STK3: variants seen among roughly 807,000 people sequenced by gnomAD.
STK3 encodes serine/threonine kinase 3.
STK3 carries 41 observed loss-of-function variants against 58.0 expected under a neutral mutation model. The observed-to-expected ratio is 0.71, with a 90% confidence interval of 0.55 to 0.92. The LOEUF is 0.92. Ranked by LOEUF, STK3 falls within the 40% of genes least tolerant of loss-of-function variation. The pLI is 0.00. For missense variants in STK3, 479 were observed against 602.7 expected (o/e 0.79, Z 2.15); for synonymous variants, 170 against 191.0 (o/e 0.89, Z 0.91).
At chr8:98,850,826 G>A (rs1836439245) in intron 3 of STK3, among the ~76,000 whole-genome samples, 2 of 152,184 alleles carry the variant, frequency 1.3e-5, no homozygotes, top group Admixed American at 1.3e-4. Flanking sequence ...GGTTTAAACA[G>A]GAGAGTGTCA....
At chr8:98,714,076 A>G (rs1271133532) in intron 4 of STK3, among the ~76,000 whole-genome samples, 1 of 152,104 alleles carries the variant, frequency 6.6e-6, no homozygotes, top group Non-Finnish European at 1.5e-5. Context: ...GACAAAATTC[A>G]ACAACCTACA....
chr8:98,554,945 G>A (rs1811481929), intron 8 of STK3, among the ~76,000 whole-genome samples: 1 of 152,004 alleles, frequency 6.6e-6, no homozygotes, highest in African/African-American at 2.4e-5. Flanking sequence ...AAGAAAAGCA[G>A]AAGAAAAACA....
intron 1 of STK3, among the ~76,000 whole-genome samples, chr8:98,895,717 TTGA>T (rs577628348): frequency 1.1e-4 from 16 of 152,166 alleles, no homozygotes; most frequent in Non-Finnish European, 1.9e-4. Context: ...ACCTGGGTCC[TTGA>T]TGATCACTTA....
chr8:98,917,530 A>T (rs1839388806), intron 1 of STK3, among the ~76,000 whole-genome samples: 1 of 152,200 alleles, frequency 6.6e-6, no homozygotes, highest in South Asian at 2.1e-4. Context: ...GAACGGGATT[A>T]GTACACTTTT....
intron 4 of STK3, among the ~76,000 whole-genome samples, chr8:98,711,205 G>C (rs1212706265): frequency 6.6e-6 from 1 of 152,084 alleles, no homozygotes; most frequent in Non-Finnish European, 1.5e-5. Flanking sequence ...CAGAAAAACT[G>C]GAAACTCTAA....
At chr8:98,432,331 G>A (rs1313770106) in intron 3 of STK3, 1 of 167,086 alleles carries the variant, frequency 6.0e-6, no homozygotes, top group East Asian at 1.9e-4. Flanking sequence ...AGCATTTGAA[G>A]GTTATTGTTT....
At chr8:98,349,028 A>G in the STK3 span, among the ~76,000 whole-genome samples, 9 of 152,364 alleles carry the variant, frequency 5.9e-5, no homozygotes, top group East Asian at 1.7e-3. Flanking sequence ...AGGTGAATGG[A>G]TAAATAAATG....
At chr8:98,660,179 C>T (rs1042363934) in intron 6 of STK3, among the ~76,000 whole-genome samples, 2 of 151,992 alleles carry the variant, frequency 1.3e-5, no homozygotes. Flanking sequence ...AAGAAAAATA[C>T]TCTATGATTA....
intron 1 of STK3, among the ~76,000 whole-genome samples, chr8:98,890,108 T>C (rs1838140093): frequency 6.6e-6 from 1 of 152,146 alleles, no homozygotes; most frequent in Non-Finnish European, 1.5e-5. Flanking sequence ...GGGAATCAAT[T>C]TGTGCAGTCT....
chr8:98,664,446 T>C (rs1182331382), intron 6 of STK3, among the ~76,000 whole-genome samples: 1 of 152,194 alleles, frequency 6.6e-6, no homozygotes, highest in Non-Finnish European at 1.5e-5. Flanking sequence ...TGTAGAATTG[T>C]TTGCTAAGCT....
chr8:98,349,073 C>T, the STK3 span, among the ~76,000 whole-genome samples: 2 of 152,102 alleles, frequency 1.3e-5, no homozygotes, highest in African/African-American at 4.8e-5. Context: ...TTATTTGGTG[C>T]TAAAGAGAAA....
At chr8:98,825,805 C>A (rs1314953231), upstream of STK3, 2 of 74,830 alleles carry the variant, frequency 2.7e-5, no homozygotes, top group African/African-American at 1.0e-4. Context: ...GCCGCCCCGC[C>A]CCGCCCCCGG....
At chr8:98,544,203 T>C (rs1810510836) in intron 9 of STK3, among the ~76,000 whole-genome samples, 2 of 152,184 alleles carry the variant, frequency 1.3e-5, no homozygotes, top group Admixed American at 6.5e-5. Flanking sequence ...GTCAGGGAAC[T>C]AGAGGGCTCT....
At chr8:98,713,234 CA>C (rs1826674727) in intron 4 of STK3, among the ~76,000 whole-genome samples, 1 of 151,964 alleles carries the variant, frequency 6.6e-6, no homozygotes, top group Admixed American at 6.6e-5. Context: ...ACTAGAAAAG[CA>C]AGAGCAAACA....
intron 3 of STK3, among the ~76,000 whole-genome samples, chr8:98,873,062 G>A (rs961988467): frequency 1.1e-4 from 16 of 152,130 alleles, no homozygotes; most frequent in African/African-American, 3.9e-4. Context: ...TGGTTTCAAA[G>A]AACATCTTTA....
chr8:98,688,262 AT>A (rs1406931290), intron 6 of STK3, among the ~76,000 whole-genome samples: 21 of 152,246 alleles, frequency 1.4e-4, no homozygotes, highest in Non-Finnish European at 2.1e-4. Context: ...GAGCACCCAG[AT>A]TTATGAAAAC....
intron 8 of STK3, among the ~76,000 whole-genome samples, chr8:98,566,857 A>C (rs2131662081): frequency 6.6e-6 from 1 of 152,322 alleles, no homozygotes; most frequent in South Asian, 2.1e-4. Flanking sequence ...ATTTCACTGA[A>C]AACAACTGGG....
intron 4 of STK3, among the ~76,000 whole-genome samples, chr8:98,738,495 T>G (rs1200512093): frequency 6.6e-6 from 1 of 151,632 alleles, no homozygotes; most frequent in Non-Finnish European, 1.5e-5. Context: ...AAAAATAAAA[T>G]AAATAAATAA....
intron 2 of STK3, among the ~76,000 whole-genome samples, chr8:98,378,001 ACTT>A (rs1198991547): frequency 2.6e-5 from 4 of 152,052 alleles, no homozygotes; most frequent in African/African-American, 9.7e-5. Flanking sequence ...TGCCCAGTTG[ACTT>A]CAAGAGGTGT....
Sources: allele counts gnomAD v4.1 joint callset (sites outside exome capture counted in the v4.1 genomes callset), GRCh38; gene constraint gnomAD v4.1.1; transcripts MANE v1.5; gene names NCBI Gene and HGNC (gene_info 2026-07-23, HGNC 2026-07-21).